The following DNAH3 variants were observed in gnomAD, a reference collection of about 807,000 sequenced individuals.
DNAH3 encodes dynein axonemal heavy chain 3.
Under a neutral mutation model 432.5 loss-of-function variants are expected in DNAH3, and 332 were observed. The observed-to-expected ratio is 0.77, with a 90% confidence interval of 0.70 to 0.84. The LOEUF is 0.84. Among genes scored for constraint, DNAH3 ranks in the 40% least tolerant of loss-of-function variants. DNAH3 has a pLI of 0.00. For synonymous variants in DNAH3, 1,956 were observed against 1,900.2 expected (o/e 1.03, Z -0.76); for missense variants, 4,861 against 5,114.0 (o/e 0.95, Z 1.51).
At chr16:21,067,772 G>GGAGGGA (rs2090615110) in intron 23 of DNAH3, among the ~76,000 whole-genome samples, 2 of 23,716 alleles carry the variant, frequency 8.4e-5, no homozygotes. Flanking sequence ...GGGGGGGTGG[G>GGAGGGA]GAGGGAGAGA....
chr16:20,948,064 C>G (rs951975910), intron 57 of DNAH3, among the ~76,000 whole-genome samples: 15 of 152,350 alleles, frequency 9.8e-5, no homozygotes, highest in African/African-American at 3.6e-4. Flanking sequence ...GCGTGAGCCA[C>G]AGCATCCAAC....
chr16:20,958,912 T>A (rs930931329), intron 54 of DNAH3, among the ~76,000 whole-genome samples: 2 of 152,072 alleles, frequency 1.3e-5, no homozygotes, highest in African/African-American at 4.8e-5. Context: ...GGATTACAGG[T>A]GTGCGCCACT....
At chr16:21,047,052 C>T (rs2089732988) in intron 31 of DNAH3, among the ~76,000 whole-genome samples, 1 of 152,140 alleles carries the variant, frequency 6.6e-6, no homozygotes, top group South Asian at 2.1e-4. Context: ...TCCGCTGTTA[C>T]TCTGACGCGC....
chr16:20,972,747 T>A (rs2085403038), intron 51 of DNAH3, among the ~76,000 whole-genome samples: 1 of 115,232 alleles, frequency 8.7e-6, no homozygotes, highest in African/African-American at 2.7e-5. Flanking sequence ...TGATTTTTTT[T>A]TTTTTTTTTT....
chr16:21,031,038 T>C lies in DNAH3; in HGVS notation c.5439+7A>G. ...CATGGAAAAGTCATATCAGGGTCAATACTTACCTTTTTATTGTCATCCAGA... is the reference window on the plus strand; with the variant it reads ...CATGGAAAAGTCATATCAGGGTCAACACTTACCTTTTTATTGTCATCCAGA... On this transcript the variant is annotated splice_region_variant and intron_variant, in intron 37 of 61. Transcript: ENST00000261383. 7 of 1,614,102 alleles carry C rather than the reference T, an allele frequency of 4.3e-6. No individual in the cohort carries two copies. Among genetic ancestry groups the C allele is most frequent in the Non-Finnish European group, 5.9e-6 (7 of 1,179,986 alleles).
chr16:21,124,941 T>A (rs894719637), intron 9 of DNAH3, among the ~76,000 whole-genome samples: 1 of 151,214 alleles, frequency 6.6e-6, no homozygotes, highest in African/African-American at 2.4e-5. Flanking sequence ...TGGCCTGTAA[T>A]GCACCCGGCC....
Position 20,982,020 on chromosome 16 carries a change from GTA to G in DNAH3, c.7859+699_7859+700del, listed in dbSNP as rs199617875. 1.1e-3 allele frequency among the ~76,000 whole-genome samples: 166 copies of G among 147,114 alleles called. 2 individuals are homozygous for G. In the East Asian group the frequency reaches 0.028, roughly 25 times the overall value. ...TATAATATATAATATATATAATTAA[GTA>G]TATATATATAATAAAGCACATATAT... On this transcript the variant is annotated intron_variant, in intron 49 of 61. Transcript: ENST00000261383.
chr16:21,105,342 G>A (rs2091922319), intron 15 of DNAH3, among the ~76,000 whole-genome samples: 1 of 152,160 alleles, frequency 6.6e-6, no homozygotes, highest in Non-Finnish European at 1.5e-5. Context: ...TTCAGAATCT[G>A]CTTCTCACTT....
At chr16:21,139,925 G>A (rs1040179803) in intron 5 of DNAH3, among the ~76,000 whole-genome samples, 14 of 151,772 alleles carry the variant, frequency 9.2e-5, no homozygotes, top group South Asian at 2.1e-4. Context: ...AATTACAGGC[G>A]CCTGCCACCA....
chr16:21,146,088 T>C (rs1230910832), exon 2 of DNAH3: 1 of 1,608,596 alleles, frequency 6.2e-7, no homozygotes, highest in Admixed American at 1.7e-5. Flanking sequence ...CTTTTGGCGA[T>C]CTGTGGGACA....
intron 1 of DNAH3, chr16:21,159,260 C>T (rs1016362088): frequency 5.8e-5 from 79 of 1,369,894 alleles, no homozygotes; most frequent in Non-Finnish European, 7.9e-5. Flanking sequence ...ACTAAGTACT[C>T]GACTCCCCTC....
chr16:21,026,406 A>G (rs1051417849), intron 38 of DNAH3, among the ~76,000 whole-genome samples: 3 of 152,140 alleles, frequency 2.0e-5, no homozygotes, highest in Non-Finnish European at 4.4e-5. Context: ...ACATGGACAC[A>G]AAGAAGGGAA....
rs1464407809 is a variant in DNAH3 at position 20,985,188 on chromosome 16, G to A, written c.7554C>T (p.Phe2518=). 6 of 1,614,088 alleles carry A rather than the reference G, an allele frequency of 3.7e-6. No individual in the cohort carries two copies. In the South Asian group the frequency reaches 5.5e-5, roughly 15 times the overall value. Residue 2518 remains phenylalanine, a synonymous_variant, in exon 48 of 62, where the codon TTC becomes TTT. Transcript: ENST00000261383. Reference sequence around the variant, plus strand: ...CGATGTCAGCCTTCTCGTCAGCAGGGAAGATGTTAGGCACGTCACCTGTGT... The same window carrying A: ...CGATGTCAGCCTTCTCGTCAGCAGGAAAGATGTTAGGCACGTCACCTGTGT...
chr16:20,990,227 G>C (rs141049382), intron 44 of DNAH3, among the ~76,000 whole-genome samples: 125 of 152,262 alleles, frequency 8.2e-4, no homozygotes, highest in Non-Finnish European at 1.6e-3. Context: ...CCTTATACGC[G>C]CCAAATCCAT....
At position 20,979,560 on chromosome 16, in the gene DNAH3, CAA is replaced by C. The variant is rs774259524; in HGVS notation, c.7860-16_7860-15del. The C allele has an allele frequency of 6.2e-7, 1 of 1,613,386 alleles. No homozygotes were observed. Among genetic ancestry groups the C allele is most frequent in the Non-Finnish European group, 8.5e-7 (1 of 1,179,548 alleles). On this transcript the variant is annotated splice_polypyrimidine_tract_variant and intron_variant, in intron 49 of 61. Transcript: ENST00000261383. The stretch of plus-strand genomic sequence containing the variant: ...ATGGACACGACCCTGCCGAGGACAC[CAA>C]GGCGGTTAGGCAGGACCCAACATCT...
chr16:21,010,637 A>T (rs947879853), intron 41 of DNAH3, among the ~76,000 whole-genome samples: 9 of 152,114 alleles, frequency 5.9e-5, no homozygotes, highest in African/African-American at 2.2e-4. Context: ...TATCATGAAA[A>T]TCCTAGAAAA....
intron 7 of DNAH3, among the ~76,000 whole-genome samples, chr16:21,130,916 C>T (rs147503358): frequency 7.9e-4 from 120 of 152,238 alleles, no homozygotes; most frequent in African/African-American, 2.7e-3. Flanking sequence ...CTCATAAACA[C>T]GCTTGTACTT....
chr16:21,125,083 C>T (rs2092419888), intron 9 of DNAH3, 92 bp downstream of exon 10: 1 of 1,054,938 alleles, frequency 9.5e-7, no homozygotes, highest in Non-Finnish European at 1.3e-6. Flanking sequence ...TGCCCTGGCT[C>T]ACAGCTGAGG....
At chr16:21,101,736 A>G (rs2152796476) in intron 16 of DNAH3, among the ~76,000 whole-genome samples, 1 of 152,326 alleles carries the variant, frequency 6.6e-6, no homozygotes, top group East Asian at 1.9e-4. Flanking sequence ...AGGCATTGAC[A>G]TCAGAGGGAT....
Sources: allele counts gnomAD v4.1 joint callset (sites outside exome capture counted in the v4.1 genomes callset), GRCh38; gene constraint gnomAD v4.1.1; transcripts MANE v1.5; gene names NCBI Gene and HGNC (gene_info 2026-07-23, HGNC 2026-07-21).